Variants in GOLGB1 observed in about 807,000 individuals in gnomAD.
GOLGB1 encodes golgin B1, also known as golgin subfamily B member 1.
Under a neutral mutation model 336.9 loss-of-function variants are expected in GOLGB1, and 174 were observed. The observed-to-expected ratio is 0.52, with a 90% CI of 0.46 to 0.59. GOLGB1 has a LOEUF of 0.59. Ranked by LOEUF, GOLGB1 falls within the 20% of genes least tolerant of loss-of-function variation. GOLGB1 has a pLI of 0.00. For missense variants in GOLGB1, 3,331 were observed against 3,645.3 expected (o/e 0.91, Z 2.22); for synonymous variants, 1,208 against 1,289.2 (o/e 0.94, Z 1.35).
At position 121,698,388 on chromosome 3, in the gene GOLGB1, T is replaced by C. The variant is rs889880066; in HGVS notation, c.2135A>G (p.Tyr712Cys). The C allele has an allele frequency of 3.7e-6, 6 of 1,613,810 alleles. No individual in the cohort carries two copies. Among genetic ancestry groups the C allele is most frequent in the East Asian group, 2.2e-5 (1 of 44,870 alleles). Residue 712 changes from tyrosine (Y) to cysteine (C), a missense_variant, in exon 13 of 22, where the codon TAT becomes TGT. Transcript: ENST00000614479. ...AGCTTTCTCATCTAAATTTTTCTCA[T>C]AGATTTCTTGTGCTTTATGAAAGTT... ...ELNFHKAQEI[Y>C]EKNLDEKAKE...
rs1169 is a variant in GOLGB1 at position 121,663,357 on chromosome 3, C to T, written c.*1123G>A. On this transcript the variant is annotated 3_prime_UTR_variant, in exon 22 of 22. Coordinates refer to ENST00000614479, the MANE Select transcript of GOLGB1 (RefSeq NM_001366282.2). ...GAGAGGCTAGGCAGTGAACACATCACGTATGCAATGAGAAAATAACCAACT... is the reference window on the plus strand; with the variant it reads ...GAGAGGCTAGGCAGTGAACACATCATGTATGCAATGAGAAAATAACCAACT... 0.35 allele frequency: 53,501 copies of T among 151,874 alleles called. 9,690 individuals are homozygous for T. The highest frequency in any genetic ancestry group is 0.53 in the East Asian group (2,737 of 5,154). 9.4% of individuals were successfully genotyped at this position (151,874 alleles called of 1,614,324 possible). A position where few individuals can be genotyped will look rare whatever the true frequency, so the allele number is the denominator to read the frequency against.
intron 1 of GOLGB1, among the ~76,000 whole-genome samples, chr3:121,749,383 C>T (rs1947601384): frequency 6.6e-6 from 1 of 152,176 alleles, no homozygotes. Context: ...AGACCGTGAG[C>T]AAGTGGTCCA....
At chr3:121,708,098 A>G (rs1944041391) in intron 10 of GOLGB1, among the ~76,000 whole-genome samples, 1 of 152,206 alleles carries the variant, frequency 6.6e-6, no homozygotes, top group Non-Finnish European at 1.5e-5. Flanking sequence ...AATACAATGG[A>G]ATGAATTATT....
chr3:121,674,506 A>C (rs1015243740), intron 17 of GOLGB1, among the ~76,000 whole-genome samples: 6 of 152,244 alleles, frequency 3.9e-5, no homozygotes, highest in Non-Finnish European at 8.8e-5. Context: ...GAATATTTTC[A>C]ATCTACAGTT....
intron 17 of GOLGB1, among the ~76,000 whole-genome samples, chr3:121,672,675 C>T (rs2107590235): frequency 6.6e-6 from 1 of 152,274 alleles, no homozygotes; most frequent in Non-Finnish European, 1.5e-5. Context: ...TGCCTGTACT[C>T]TTCAGGACTT....
At chr3:121,730,776 TAC>T in intron 2 of GOLGB1, 98 bp downstream of exon 2, 1 of 1,134,046 alleles carries the variant, frequency 8.8e-7, no homozygotes, top group Non-Finnish European at 1.2e-6. Context: ...CTTCACCTAG[TAC>T]CAGGGAGGCT....
chr3:121,695,425 C>T lies in GOLGB1; in HGVS notation c.5098G>A (p.Glu1700Lys), dbSNP rs1156325649. The T allele has an allele frequency of 6.2e-7, 1 of 1,614,102 alleles. No individual in the cohort carries two copies. Among genetic ancestry groups the T allele is most frequent in the Non-Finnish European group, 8.5e-7 (1 of 1,180,010 alleles). Residue 1700 changes from glutamate to lysine, a missense_variant, in exon 13 of 22, where the codon GAG (glutamate) becomes AAG (lysine). By Grantham distance (56) the Glu-to-Lys change is moderately conservative. Transcript: ENST00000614479. ...KQQKILELEEENDRLRAEVHP... is the reference protein window; with the variant it reads ...KQQKILELEEKNDRLRAEVHP... Reference sequence around the variant, plus strand: ...ACCTCTGCCCTAAGCCGGTCATTCTCTTCTTCCAGCTCTAGGATTTTCTGC... The same window carrying T: ...ACCTCTGCCCTAAGCCGGTCATTCTTTTCTTCCAGCTCTAGGATTTTCTGC...
At chr3:121,732,628 T>C (rs1946194143) in intron 1 of GOLGB1, among the ~76,000 whole-genome samples, 1 of 152,184 alleles carries the variant, frequency 6.6e-6, no homozygotes, top group Non-Finnish European at 1.5e-5. Context: ...ATAATGTCAA[T>C]AGATTGAGAA....
At chr3:121,723,140 T>C (rs961113280) in intron 5 of GOLGB1, among the ~76,000 whole-genome samples, 5 of 152,238 alleles carry the variant, frequency 3.3e-5, no homozygotes, top group African/African-American at 4.8e-5. Context: ...ATAGAGGGCT[T>C]AAAATGGGTC....
Position 121,694,223 on chromosome 3 carries a change from T to C in GOLGB1, c.6300A>G (p.Leu2100=). 1.2e-6 allele frequency: 2 copies of C among 1,611,722 alleles called. No individual in the cohort carries two copies. The highest frequency in any genetic ancestry group is 1.7e-6 in the Non-Finnish European group (2 of 1,180,010). Residue 2100 remains leucine (L), a synonymous_variant, in exon 13 of 22, where the codon CTA becomes CTG. Transcript: ENST00000614479. ...CCTTTTTCAACTTGAGATTGTCTGCTAGGACCCTTGCTGCTTCACTTTGAG... is the reference window on the plus strand; with the variant it reads ...CCTTTTTCAACTTGAGATTGTCTGCCAGGACCCTTGCTGCTTCACTTTGAG... ...DDTQSEAARV[L]ADNLKLKKEL...
At chr3:121,700,102 T>A (rs1431598409) in intron 11 of GOLGB1, among the ~76,000 whole-genome samples, 1 of 152,102 alleles carries the variant, frequency 6.6e-6, no homozygotes, top group Non-Finnish European at 1.5e-5. Flanking sequence ...TGAACCTGAA[T>A]GAAGTATACT....
In GOLGB1 at chr3:121,697,938, A is replaced by G; in HGVS notation, c.2585T>C (p.Ile862Thr). 2 of 1,614,066 alleles carry G rather than the reference A, an allele frequency of 1.2e-6. No individual in the cohort carries two copies. Among genetic ancestry groups the G allele is most frequent in the East Asian group, 4.5e-5 (2 of 44,882 alleles). The change falls in exon 13 of 22, where the codon ATC becomes ACC. Residue 862 changes from isoleucine (I) to threonine (T), a missense_variant. Transcript: ENST00000614479. The part of the protein sequence containing the change: ...VLEGAERVRH[I>T]SSKVEELSQA... The stretch of plus-strand genomic sequence containing the variant: ...GGACAGTTCTTCCACTTTACTTGAG[A>G]TATGCCTTACACGTTCTGCCCCCTC...
At chr3:121,718,351 C>A in intron 8 of GOLGB1, 37 bp downstream of exon 8, 1 of 1,310,092 alleles carries the variant, frequency 7.6e-7, no homozygotes, top group Non-Finnish European at 1.1e-6. Context: ...GAAATGAATA[C>A]CCTCCAAGGC....
chr3:121,695,703 G>C lies in GOLGB1; in HGVS notation c.4820C>G (p.Thr1607Ser), dbSNP rs769394645. ...CTCCTTGTGTTTCTCTTGCCACTCA[G>C]TACTTTCTGCAATCTTAGAAGATTT... is the stretch of plus-strand genomic sequence containing the variant. The part of the protein sequence containing the change: ...SLKSSKIAES[T>S]EWQEKHKELQ... The change falls in exon 13 of 22, where the codon ACT becomes AGT. Residue 1607 changes from threonine (T) to serine (S), a missense_variant. By Grantham distance (58) the Thr-to-Ser change is moderately conservative. Transcript: ENST00000614479. 2 of 1,611,376 alleles carry C rather than the reference G, an allele frequency of 1.2e-6. No individual in the cohort carries two copies. Among genetic ancestry groups the C allele is most frequent in the Non-Finnish European group, 1.7e-6 (2 of 1,179,924 alleles).
chr3:121,691,446 T>G lies in GOLGB1; in HGVS notation c.7918A>C (p.Lys2640Gln). Residue 2640 changes from lysine to glutamine, a missense_variant, in exon 14 of 22, where the codon AAA (lysine) becomes CAA (glutamine). Physicochemically the swap from Lys to Gln is moderately conservative, Grantham distance 53. Coordinates refer to ENST00000614479, the MANE Select transcript of GOLGB1 (RefSeq NM_001366282.2). Reference sequence around the variant, plus strand: ...CTGTGTACCTCTTCTTCTTTTACTTTTAACTGGGCATGATAGAGTCCTAAA... The same window carrying G: ...CTGTGTACCTCTTCTTCTTTTACTTGTAACTGGGCATGATAGAGTCCTAAA... Reference protein sequence around the residue: ...GTLGLYHAQLKVKEEEVHRLS... With the variant: ...GTLGLYHAQLQVKEEEVHRLS... 2 of 1,613,856 alleles carry G rather than the reference T, an allele frequency of 1.2e-6. No homozygotes were observed. Among genetic ancestry groups the G allele is most frequent in the Non-Finnish European group, 1.7e-6 (2 of 1,180,004 alleles).
chr3:121,684,127 C>CAAAAAAAAAAAAA lies in GOLGB1; in HGVS notation c.8695-2275_8695-2263dup, dbSNP rs61510295. Among the ~76,000 whole-genome samples the CAAAAAAAAAAAAA allele has an allele frequency of 3.4e-3, 37 of 10,910 alleles. 6 individuals carry two copies. The highest frequency in any genetic ancestry group is 6.1e-3 in the Admixed American group (5 of 820). 7.2% of individuals were successfully genotyped at this position (10,910 alleles called of 152,430 possible). ...TGGATGACAGAGCGAGACGCCGTCT[C>CAAAAAAAAAAAAA]AAAAAAAAAAAAAAAAAAAAAAAAA... On this transcript the variant is annotated intron_variant, in intron 14 of 21. Transcript: ENST00000614479.
intron 13 of GOLGB1, 143 bp downstream of exon 13, chr3:121,693,598 A>G (rs1942664410): frequency 1.6e-6 from 1 of 638,758 alleles, no homozygotes; most frequent in Non-Finnish European, 2.7e-6. Context: ...TGCCAAAAAA[A>G]AGTCAGAAGT....
chr3:121,724,265 G>A (rs1945396262), intron 5 of GOLGB1, among the ~76,000 whole-genome samples: 1 of 152,188 alleles, frequency 6.6e-6, no homozygotes, highest in Admixed American at 6.5e-5. Flanking sequence ...TGGTTAAGCG[G>A]TTGTGACCAC....
At chr3:121,734,118 G>C (rs951955775) in intron 1 of GOLGB1, among the ~76,000 whole-genome samples, 1 of 152,146 alleles carries the variant, frequency 6.6e-6, no homozygotes, top group Non-Finnish European at 1.5e-5. Context: ...AGCCAGGCGT[G>C]GTGGCTCACA....
Sources: allele counts gnomAD v4.1 joint callset (sites outside exome capture counted in the v4.1 genomes callset), GRCh38; gene constraint gnomAD v4.1.1; transcripts MANE v1.5; gene names NCBI Gene and HGNC (gene_info 2026-07-23, HGNC 2026-07-21).